Variants in ZNF117 observed in about 807,000 individuals in gnomAD.
ZNF117 encodes the protein zinc finger protein 117.
In ZNF117, 37 loss-of-function variants were observed where a neutral mutation model predicts 41.2. The ratio of observed to expected loss-of-function variants is 0.90; its 90% CI spans 0.69 to 1.18. The LOEUF (loss-of-function observed/expected upper bound fraction) is 1.18. Ranked by LOEUF, ZNF117 falls within the 50% of genes most tolerant of loss-of-function variation. ZNF117 has a pLI of 0.00. For synonymous variants in ZNF117, 186 were observed against 186.6 expected (o/e 1.00, Z 0.02); for missense variants, 546 against 557.5 (o/e 0.98, Z 0.21).
rs1247994044 is a variant in ZNF117 at position 64,990,743 on chromosome 7, A to C, written c.-992T>G. Reference sequence around the variant, plus strand: ...GAGAGAATTTCAAACAGGGAAACTGATAAGGAGAACTTGTTTTTCTCATCC... The same window carrying C: ...GAGAGAATTTCAAACAGGGAAACTGCTAAGGAGAACTTGTTTTTCTCATCC... On this transcript the variant is annotated 5_prime_UTR_variant, in exon 1 of 4. An upstream open reading frame in the 5' UTR gains an earlier in-frame stop. Coordinates refer to the ZNF117 transcript ENST00000282869. The C allele has an allele frequency of 1.3e-5, 2 of 153,230 alleles. No homozygotes were observed. Among genetic ancestry groups the C allele is most frequent in the East Asian group, 1.9e-4 (1 of 5,184 alleles). 9.5% of individuals were successfully genotyped at this position (153,230 alleles called of 1,614,324 possible). A position where few individuals can be genotyped will look rare whatever the true frequency, so the allele number is the denominator to read the frequency against.
chr7:64,985,950 C>CAAA (rs66524694), upstream of ZNF117, among the ~76,000 whole-genome samples: 23,387 of 81,808 alleles, frequency 0.29, 3,548 homozygotes, highest in East Asian at 0.35. Context: ...GACTCCATCT[C>CAAA]AAAAAAAAAA....
intron 2 of ZNF117, chr7:64,980,239 C>A (rs1400484268): frequency 6.6e-6 from 1 of 151,978 alleles, no homozygotes; most frequent in Non-Finnish European, 1.5e-5. Flanking sequence ...TTTGCCAGGA[C>A]AAAGCTACAT....
chr7:64,971,904 TG>T (rs1785790376), downstream of ZNF117: 1 of 151,714 alleles, frequency 6.6e-6, no homozygotes, highest in African/African-American at 2.4e-5. Context: ...ATGAGACAAC[TG>T]AAAAAAATGG....
intron 1 of ZNF117, among the ~76,000 whole-genome samples, chr7:64,987,877 C>T (rs1322118347): frequency 6.7e-6 from 1 of 149,000 alleles, no homozygotes; most frequent in East Asian, 1.9e-4. Flanking sequence ...AAGTCGTGGA[C>T]AAATATATCC....
At position 64,981,277 on chromosome 7, in the gene ZNF117, A is replaced by G. The variant is rs141557843; in HGVS notation, c.34+110T>C. 84 of 1,419,380 alleles carry G rather than the reference A, an allele frequency of 5.9e-5. No individual in the cohort carries two copies. In the African/African-American group the frequency reaches 1.0e-3, roughly 17 times the overall value. The allele number at this position is 1,419,380 out of a possible 1,614,324, so 87.9% of individuals were successfully genotyped here. On this transcript the variant is annotated intron_variant, in intron 2 of 2. Transcript: ENST00000620222. ...AAATAAAAAAAAACTCGGGCTTTCC[A>G]GAAACTATTTCCTTTGGAACACAGC...
intron 1 of ZNF117, among the ~76,000 whole-genome samples, chr7:64,989,465 A>G (rs1786209339): frequency 3.3e-5 from 2 of 60,080 alleles, no homozygotes; most frequent in African/African-American, 5.1e-5. Context: ...ATATATATAT[A>G]TATATATATA....
chr7:64,979,433 A>G, exon 3 of ZNF117: 1 of 1,610,420 alleles, frequency 6.2e-7, no homozygotes, highest in Non-Finnish European at 8.5e-7. Flanking sequence ...TTAACTGTAA[A>G]TTCTCATATC....
intron 2 of ZNF117, chr7:64,980,168 C>T (rs930105083): frequency 1.3e-5 from 2 of 152,176 alleles, no homozygotes; most frequent in Non-Finnish European, 2.9e-5. Context: ...AGACAAGACA[C>T]ATCCTAAGAA....
In ZNF117 at chr7:64,978,491, G is replaced by A. The variant is rs547922002; in HGVS notation, c.1080C>T (p.Pro360=). 39 of 1,612,340 alleles carry A rather than the reference G, an allele frequency of 2.4e-5. No individual in the cohort carries two copies. The East Asian group carries it at 7.4e-4, about 31-fold the overall frequency. Reference sequence around the variant, plus strand: ...CTTTGCCACATTCTCCACATTTGTAGGGTTTCTCTCCAGTATGAATTACCT... The same window carrying A: ...CTTTGCCACATTCTCCACATTTGTAAGGTTTCTCTCCAGTATGAATTACCT... Residue 360 remains proline (P), a synonymous_variant, in exon 3 of 3, where the codon CCC becomes CCT. Transcript: ENST00000620222.
upstream of ZNF117, among the ~76,000 whole-genome samples, chr7:64,983,991 C>G (rs114376898): frequency 0.013 from 1,942 of 152,346 alleles, 35 homozygotes; most frequent in African/African-American, 0.045. Flanking sequence ...CTACTCTCAG[C>G]ATGAGAAACG....
chr7:64,972,545 A>G (rs1490821940), downstream of ZNF117: 3 of 152,090 alleles, frequency 2.0e-5, no homozygotes, highest in East Asian at 5.8e-4. Flanking sequence ...AGACACAAAG[A>G]TTATTTTTCA....
At chr7:64,984,150 G>A (rs1204530194), upstream of ZNF117, among the ~76,000 whole-genome samples, 4 of 145,042 alleles carry the variant, frequency 2.8e-5, no homozygotes, top group East Asian at 8.5e-4. Context: ...TTTTTTTTTT[G>A]AGACGGAGTC....
chr7:64,984,196 A>G (rs913814169), upstream of ZNF117, among the ~76,000 whole-genome samples: 2 of 152,096 alleles, frequency 1.3e-5, no homozygotes, highest in East Asian at 1.9e-4. Context: ...TAGTGGTACA[A>G]TCTCAGCTCA....
chr7:64,982,141 T>A, upstream of ZNF117: 2 of 791,372 alleles, frequency 2.5e-6, no homozygotes, highest in Non-Finnish European at 4.2e-6. Context: ...AACACACACA[T>A]ACACAAAATC....
At position 64,977,703 on chromosome 7, in the gene ZNF117, T is replaced by C. The variant is rs879803108; in HGVS notation, c.*416A>G. 5.5e-5 allele frequency: 46 copies of C among 839,064 alleles called. No homozygotes were observed. The Admixed American group carries it at 8.5e-4, about 15-fold the overall frequency. 52.0% of individuals were successfully genotyped at this position (839,064 alleles called of 1,614,324 possible). A position where few individuals can be genotyped will look rare whatever the true frequency, so the allele number is the denominator to read the frequency against. ...ATGTGTAGTAAGGTTTACGTATAGG[T>C]TGAAAGCTTTGCCACATTCTTCACA... is the stretch of plus-strand genomic sequence containing the variant. On this transcript the variant is annotated 3_prime_UTR_variant, in exon 3 of 3. Coordinates refer to ENST00000620222, the Ensembl canonical transcript of ZNF117.
chr7:64,984,379 G>A (rs1786092222), upstream of ZNF117, among the ~76,000 whole-genome samples: 2 of 152,156 alleles, frequency 1.3e-5, no homozygotes, highest in African/African-American at 4.8e-5. Context: ...TGACCCGCCT[G>A]CCTGGACCTC....
chr7:64,982,111 T>C (rs970105288), exon 1 of ZNF117: 6 of 947,852 alleles, frequency 6.3e-6, no homozygotes, highest in South Asian at 1.4e-5. Context: ...TAAATGTCAA[T>C]GGTCCCTGAA....
downstream of ZNF117, chr7:64,974,234 T>G (rs983156856): frequency 6.6e-6 from 1 of 151,966 alleles, no homozygotes; most frequent in African/African-American, 2.4e-5. Context: ...GTACTGAATT[T>G]TATAAAAATC....
intron 1 of ZNF117, among the ~76,000 whole-genome samples, chr7:64,989,524 A>G (rs1786217527): frequency 1.5e-5 from 2 of 135,248 alleles, no homozygotes; most frequent in Non-Finnish European, 3.2e-5. Context: ...TCTAGAAAAT[A>G]ACCTAGAAAA....
Sources: gnomAD v4.1 joint callset for allele counts (sites outside exome capture counted in the v4.1 genomes callset) on GRCh38, gnomAD v4.1.1 for gene constraint, MANE v1.5 for transcripts, NCBI Gene and HGNC (gene_info 2026-07-23, HGNC 2026-07-21) for gene names.